Variants in HAPSTR1 observed in about 807,000 individuals in gnomAD.
HAPSTR1 encodes the protein HUWE1 associated protein modifying stress responses, also known as HUWE1-associated protein modifying stress responses 1.
At chr16:9,114,001 G>A in the HAPSTR1 span, among the ~76,000 whole-genome samples, 297 of 152,338 alleles carry the variant, frequency 1.9e-3, no homozygotes, top group African/African-American at 7.0e-3. Context: ...TTCAGAATTC[G>A]TAAGTGCCAG....
chr16:9,104,010 A>G, the HAPSTR1 span: 1 of 152,326 alleles, frequency 6.6e-6, no homozygotes, highest in African/African-American at 2.4e-5. Flanking sequence ...TGCTGTAGGA[A>G]AAAAAGCAAC....
the HAPSTR1 span, among the ~76,000 whole-genome samples, chr16:9,114,348 G>A: frequency 1.3e-5 from 2 of 152,112 alleles, no homozygotes; most frequent in Non-Finnish European, 2.9e-5. Context: ...AGGCGACTGA[G>A]GAGTGAGCGG....
the HAPSTR1 span, chr16:9,092,242 G>A: frequency 6.3e-6 from 10 of 1,576,470 alleles, no homozygotes; most frequent in Admixed American, 5.5e-5. Context: ...TCCAGAACTC[G>A]GCCACCGCCG....
At chr16:9,116,028 T>C in the HAPSTR1 span, among the ~76,000 whole-genome samples, 2 of 152,216 alleles carry the variant, frequency 1.3e-5, no homozygotes, top group Non-Finnish European at 2.9e-5. Flanking sequence ...CTGAAGGATA[T>C]CTACCAAATA....
chr16:9,121,122 T>C, the HAPSTR1 span: 1 of 152,188 alleles, frequency 6.6e-6, no homozygotes, highest in African/African-American at 2.4e-5. Flanking sequence ...GCTAATTTAA[T>C]TTTGAATTTT....
At chr16:9,116,532 A>T in the HAPSTR1 span, 1 of 1,137,164 alleles carries the variant, frequency 8.8e-7, no homozygotes. Flanking sequence ...AATAAAACTT[A>T]ATTGCTTACT....
the HAPSTR1 span, chr16:9,105,632 A>G: frequency 6.6e-6 from 1 of 151,884 alleles, no homozygotes; most frequent in Non-Finnish European, 1.5e-5. Flanking sequence ...GTGCTCTTTT[A>G]AAATGTATTT....
chr16:9,117,691 A>C, the HAPSTR1 span: 5 of 152,640 alleles, frequency 3.3e-5, no homozygotes, highest in Middle Eastern at 3.4e-3. Context: ...GGTAAATGTA[A>C]ACATGTAGAC....
chr16:9,093,094 G>C, the HAPSTR1 span: 13 of 1,235,830 alleles, frequency 1.1e-5, no homozygotes, highest in Non-Finnish European at 1.3e-5. Flanking sequence ...CTGCTCCCCA[G>C]CCCAGCTGCT....
At chr16:9,119,097 A>G in the HAPSTR1 span, 1 of 152,590 alleles carries the variant, frequency 6.6e-6, no homozygotes, top group Non-Finnish European at 1.5e-5. Flanking sequence ...ACTTTTTTCC[A>G]TTGCGTTTAC....
chr16:9,092,138 G>A, the HAPSTR1 span: 1 of 1,556,232 alleles, frequency 6.4e-7, no homozygotes, highest in South Asian at 1.2e-5. Flanking sequence ...CCTGGCCGAG[G>A]CCGAACAGGA....
the HAPSTR1 span, chr16:9,108,009 A>G: frequency 6.6e-6 from 1 of 152,196 alleles, no homozygotes. Flanking sequence ...GTTGAGGATT[A>G]CAATCCCCAG....
the HAPSTR1 span, chr16:9,110,067 A>G: frequency 2.0e-5 from 3 of 152,068 alleles, no homozygotes; most frequent in African/African-American, 7.2e-5. Flanking sequence ...ATAGAATTAT[A>G]GTAGACAGTG....
the HAPSTR1 span, among the ~76,000 whole-genome samples, chr16:9,113,655 T>C: frequency 6.6e-6 from 1 of 152,226 alleles, no homozygotes; most frequent in East Asian, 1.9e-4. Context: ...TTGCTGAACG[T>C]GCCCATATTT....
chr16:9,113,078 CT>C, the HAPSTR1 span: 7 of 139,978 alleles, frequency 5.0e-5, no homozygotes, highest in South Asian at 6.7e-4. Flanking sequence ...TTTTTCTGTA[CT>C]TGTATAGGTC....
the HAPSTR1 span, among the ~76,000 whole-genome samples, chr16:9,113,731 A>T: frequency 6.6e-6 from 1 of 152,326 alleles, no homozygotes; most frequent in Non-Finnish European, 1.5e-5. Flanking sequence ...GAACATGGGC[A>T]CCTTGTAATA....
At chr16:9,116,544 G>A in the HAPSTR1 span, 4 of 1,270,176 alleles carry the variant, frequency 3.1e-6, no homozygotes, top group African/African-American at 6.0e-5. Flanking sequence ...TTGCTTACTA[G>A]TAATCCCTTA....
the HAPSTR1 span, chr16:9,091,933 C>T: frequency 6.6e-5 from 59 of 895,308 alleles, no homozygotes; most frequent in Middle Eastern, 7.7e-4. Context: ...GAGAAGGCGC[C>T]GTCGGTCGCC....
the HAPSTR1 span, chr16:9,092,914 T>C: frequency 6.3e-7 from 1 of 1,587,902 alleles, no homozygotes; most frequent in South Asian, 1.1e-5. Context: ...TTTGGCTTGC[T>C]TTTCAGACCG....
Sources: gnomAD v4.1 joint callset for allele counts (sites outside exome capture counted in the v4.1 genomes callset) on GRCh38, gnomAD v4.1.1 for gene constraint, MANE v1.5 for transcripts, NCBI Gene and HGNC (gene_info 2026-07-23, HGNC 2026-07-21) for gene names.